The following MTA3 variants were observed in gnomAD, a reference collection of about 807,000 sequenced individuals.
The protein encoded by MTA3 is metastasis associated 1 family member 3.
Under a neutral mutation model 83.5 loss-of-function variants are expected in MTA3, and 34 were observed. That is an observed-to-expected ratio of 0.41 (90% confidence interval 0.31 to 0.54). MTA3 has a LOEUF of 0.54. Among genes scored for constraint, MTA3 ranks in the 20% least tolerant of loss-of-function variants. The pLI, the probability that MTA3 is intolerant of heterozygous loss-of-function variation, is 0.33. For synonymous variants in MTA3, 303 were observed against 252.7 expected, an observed-to-expected ratio of 1.20 and a Z score of -1.89; for missense variants, 761 against 726.4, an observed-to-expected ratio of 1.05 and a Z score of -0.55.
chr2:42,607,049 G>A (rs1466476770), intron 3 of MTA3, among the ~76,000 whole-genome samples: 1 of 142,014 alleles, frequency 7.0e-6, no homozygotes, highest in Non-Finnish European at 1.5e-5. Context: ...CGCATGAGAG[G>A]GAGACCGGAG....
intron 2 of MTA3, among the ~76,000 whole-genome samples, chr2:42,562,898 C>A (rs940731735): frequency 6.6e-5 from 10 of 152,138 alleles, no homozygotes; most frequent in African/African-American, 2.4e-4. Flanking sequence ...AGAACCTGTC[C>A]ACTATCCTCT....
intron 12 of MTA3, among the ~76,000 whole-genome samples, chr2:42,705,705 C>T (rs1230110095): frequency 6.6e-6 from 1 of 151,844 alleles, no homozygotes; most frequent in Admixed American, 6.6e-5. Flanking sequence ...AACATCGTCT[C>T]CCCCCCGCCC....
intron 5 of MTA3, among the ~76,000 whole-genome samples, chr2:42,641,251 C>A (rs938582154): frequency 1.3e-5 from 2 of 150,356 alleles, no homozygotes; most frequent in Non-Finnish European, 2.9e-5. Context: ...CAAGTGTTGC[C>A]CATTTATCTC....
At chr2:42,655,045 T>G (rs1689037658) in intron 6 of MTA3, among the ~76,000 whole-genome samples, 1 of 152,208 alleles carries the variant, frequency 6.6e-6, no homozygotes, top group African/African-American at 2.4e-5. Context: ...CTCATAACCA[T>G]GTTTCAGCCC....
intron 15 of MTA3, among the ~76,000 whole-genome samples, chr2:42,721,487 T>A (rs1028898649): frequency 1.3e-5 from 2 of 151,868 alleles, no homozygotes; most frequent in Admixed American, 6.6e-5. Flanking sequence ...ACCACCACAC[T>A]TGGCTAATTT....
chr2:42,540,265 T>G lies in MTA3; in HGVS notation c.-140-30172T>G, dbSNP rs2103745405. Among the ~76,000 whole-genome samples the G allele has an allele frequency of 2.0e-5, 3 of 150,600 alleles. 1 individual carries two copies. In the South Asian group the frequency reaches 6.4e-4, roughly 32 times the overall value. On this transcript the variant is annotated intron_variant, in intron 2 of 17. Transcript: ENST00000405592. ...CATAGCTCACTGCAGCCTCAAACTCTTAAGCTCAAGTGACTCTCCTGCCTT... is the reference window on the plus strand; with the variant it reads ...CATAGCTCACTGCAGCCTCAAACTCGTAAGCTCAAGTGACTCTCCTGCCTT...
intron 16 of MTA3, chr2:42,752,197 A>G (rs949259500): frequency 2.1e-6 from 1 of 471,362 alleles, no homozygotes; most frequent in Admixed American, 2.3e-5. Context: ...GCTCATATCA[A>G]ATACCAAGCT....
chr2:42,756,119 A>G lies in MTA3; in HGVS notation c.*2720A>G. ...AAAACAGGGGAGTGAGGGGCAACCC[A>G]GAGGTGGGGAACAACAACAGCAAGC... On this transcript the variant is annotated 3_prime_UTR_variant, in exon 17 of 17. Transcript: ENST00000405094. 1.5e-6 allele frequency: 1 copy of G among 689,568 alleles called. No individual in the cohort carries two copies. The highest frequency in any genetic ancestry group is 1.8e-6 in the Non-Finnish European group (1 of 559,276). 42.7% of individuals were successfully genotyped at this position (689,568 alleles called of 1,614,324 possible).
At chr2:42,580,559 A>C (rs771936103) in intron 3 of MTA3, among the ~76,000 whole-genome samples, 116 of 151,704 alleles carry the variant, frequency 7.6e-4, no homozygotes, top group Non-Finnish European at 1.2e-3. Context: ...TTTAGCAGAG[A>C]CAGGGTTTCA....
Position 42,731,041 on chromosome 2 carries a change from T to C in MTA3, c.1759+8006T>C, listed in dbSNP as rs1448184798. Among the ~76,000 whole-genome samples, 3 of 152,306 alleles carry C rather than the reference T, an allele frequency of 2.0e-5. No individual in the cohort carries two copies. In the East Asian group the frequency reaches 5.8e-4, roughly 29 times the overall value. On this transcript the variant is annotated intron_variant, in intron 16 of 16. Transcript: ENST00000405094. ...AATGATCCTCTGAATTTCTGTGATA[T>C]CAGTTGTAACGTCTCCTTTTTCATC...
chr2:42,586,897 C>T (rs1680397132), intron 3 of MTA3, among the ~76,000 whole-genome samples: 1 of 152,176 alleles, frequency 6.6e-6, no homozygotes, highest in Admixed American at 6.5e-5. Flanking sequence ...GTGGCATGTG[C>T]CTATAGTCCC....
At chr2:42,658,050 C>T (rs182166404) in intron 7 of MTA3, among the ~76,000 whole-genome samples, 3 of 108,296 alleles carry the variant, frequency 2.8e-5, no homozygotes, top group East Asian at 3.1e-4. Context: ...CCAGCCTGGG[C>T]GACAGAGGAA....
At chr2:42,703,937 G>T (rs1241553652) in intron 11 of MTA3, 3 of 292,952 alleles carry the variant, frequency 1.0e-5, no homozygotes, top group African/African-American at 2.2e-5. Context: ...AATTGTATTC[G>T]GACCAGAAAA....
intron 2 of MTA3, among the ~76,000 whole-genome samples, chr2:42,516,986 G>T (rs997454920): frequency 4.6e-5 from 7 of 151,986 alleles, no homozygotes; most frequent in African/African-American, 1.7e-4. Flanking sequence ...TTGGCCCGGT[G>T]TGGTGGCTCA....
At chr2:42,634,146 C>CA (rs1686960865) in intron 4 of MTA3, among the ~76,000 whole-genome samples, 1 of 152,160 alleles carries the variant, frequency 6.6e-6, no homozygotes, top group South Asian at 2.1e-4. Flanking sequence ...GCCTCCACAA[C>CA]AAAAAATTAT....
rs1017606506 is a variant in MTA3, at chr2:42,639,952, A to G, written c.318-221A>G. ...ATTTATTGCCTAACACAATTACTCC[A>G]ACAGGCTAGCCTCTCAAGAAATGCC... On this transcript the variant is annotated intron_variant, in intron 4 of 16. Coordinates refer to ENST00000405094, the MANE Select transcript of MTA3 (RefSeq NM_001330442.2). 2.0e-5 allele frequency among the ~76,000 whole-genome samples: 3 copies of G among 152,202 alleles called. 1 individual carries two copies. The highest frequency in any genetic ancestry group is 2.0e-4 in the Admixed American group (3 of 15,280).
chr2:42,498,870 G>C (rs1418460804), intron 2 of MTA3, among the ~76,000 whole-genome samples: 1 of 152,168 alleles, frequency 6.6e-6, no homozygotes, highest in African/African-American at 2.4e-5. Context: ...GCCAAGCCCT[G>C]AGCCCTTGAC....
At chr2:42,642,031 T>A (rs1476545702) in intron 5 of MTA3, among the ~76,000 whole-genome samples, 1 of 152,092 alleles carries the variant, frequency 6.6e-6, no homozygotes, top group Non-Finnish European at 1.5e-5. Flanking sequence ...ATATAAAAAA[T>A]TTAAAAATAA....
At chr2:42,679,221 G>A (rs937390507) in intron 8 of MTA3, among the ~76,000 whole-genome samples, 1 of 152,106 alleles carries the variant, frequency 6.6e-6, no homozygotes, top group Non-Finnish European at 1.5e-5. Context: ...ACATCACTGC[G>A]ATTATACTTA....
Sources: gnomAD v4.1 joint callset for allele counts (sites outside exome capture counted in the v4.1 genomes callset) on GRCh38, gnomAD v4.1.1 for gene constraint, MANE v1.5 for transcripts, NCBI Gene and HGNC (gene_info 2026-07-23, HGNC 2026-07-21) for gene names.